Variants in ESRRB observed in about 807,000 individuals in gnomAD.
ESRRB encodes estrogen related receptor beta, also known as steroid hormone receptor ERR2.
ESRRB carries 16 observed loss-of-function variants against 46.0 expected under a neutral mutation model. That is an observed-to-expected ratio of 0.35 (90% CI 0.24 to 0.53). The LOEUF is 0.53. Among genes scored for constraint, ESRRB ranks in the 20% least tolerant of loss-of-function variants. The pLI, the probability that ESRRB is intolerant of heterozygous loss-of-function variation, is 0.93. For synonymous variants in ESRRB, 246 were observed against 259.6 expected, an observed-to-expected ratio of 0.95 and a Z score of 0.50; for missense variants, 488 against 607.4, an observed-to-expected ratio of 0.80 and a Z score of 2.07.
chr14:76,486,679 C>G (rs911855036), intron 5 of ESRRB, among the ~76,000 whole-genome samples: 1 of 152,054 alleles, frequency 6.6e-6, no homozygotes, highest in Non-Finnish European at 1.5e-5. Flanking sequence ...AACAATTTTC[C>G]TGGGGCAGCA....
chr14:76,362,815 G>A (rs112334401), intron 1 of ESRRB, among the ~76,000 whole-genome samples: 3,486 of 152,216 alleles, frequency 0.023, 127 homozygotes, highest in African/African-American at 0.078. Context: ...CCTTCTTCCC[G>A]CTTGCCTAGG....
chr14:76,490,207 G>A (rs1376076476), intron 5 of ESRRB, among the ~76,000 whole-genome samples: 1 of 152,198 alleles, frequency 6.6e-6, no homozygotes, highest in Non-Finnish European at 1.5e-5. Flanking sequence ...GCATGTCCGT[G>A]TTAGAACCAA....
Position 76,393,339 on chromosome 14 carries a change from T to C in ESRRB, c.50+16888T>C, listed in dbSNP as rs116485145. 8.4e-3 allele frequency among the ~76,000 whole-genome samples: 1,272 copies of C among 152,274 alleles called. 17 individuals are homozygous for C. Among genetic ancestry groups the C allele is most frequent in the African/African-American group, 0.029 (1,212 of 41,560 alleles). On this transcript the variant is annotated intron_variant, in intron 1 of 6. Transcript: ENST00000644823. ...CTACTTGCAGTCTTGCCCACCACCT[T>C]GCTCTCAACACTCCTCTCCATGCCC...
chr14:76,482,903 C>T lies in ESRRB; in HGVS notation c.850+144C>T, dbSNP rs915682028. 1.3e-5 allele frequency: 12 copies of T among 915,794 alleles called. No homozygotes were observed. The highest frequency in any genetic ancestry group is 1.1e-4 in the African/African-American group (7 of 61,776). The allele number at this position is 915,794 out of a possible 1,614,324, so 56.7% of individuals were successfully genotyped here. On this transcript the variant is annotated intron_variant, in intron 5 of 6. Transcript: ENST00000644823. This position sits in a 1 kb window ranked among gnomAD's most constrained non-coding sequence, Gnocchi z 4.3. ...CCTGGCAGGCCTGTTTCTCTGAGCTCCTCTTCTCTCCTTGTAGCATTGGAG... is the reference window on the plus strand; with the variant it reads ...CCTGGCAGGCCTGTTTCTCTGAGCTTCTCTTCTCTCCTTGTAGCATTGGAG...
At chr14:76,412,817 G>A (rs1016407360) in intron 1 of ESRRB, among the ~76,000 whole-genome samples, 1 of 152,166 alleles carries the variant, frequency 6.6e-6, no homozygotes, top group Non-Finnish European at 1.5e-5. Flanking sequence ...ATAAGGACAG[G>A]ATTGTGAAGC....
chr14:76,448,154 A>G (rs10131667), intron 2 of ESRRB, among the ~76,000 whole-genome samples: 39,330 of 151,878 alleles, frequency 0.26, 8,629 homozygotes, highest in African/African-American at 0.61. Context: ...TCCAGTTAGT[A>G]GGCATTTCCT....
At chr14:76,321,847 A>G (rs971432817) in intron 1 of ESRRB, among the ~76,000 whole-genome samples, 3 of 151,632 alleles carry the variant, frequency 2.0e-5, no homozygotes, top group African/African-American at 7.3e-5. Flanking sequence ...AGATTGTGCC[A>G]CTGCAATCCG....
At chr14:76,323,901 G>C (rs1437832945) in intron 1 of ESRRB, among the ~76,000 whole-genome samples, 1 of 152,212 alleles carries the variant, frequency 6.6e-6, no homozygotes, top group Non-Finnish European at 1.5e-5. Flanking sequence ...CGAGTCTGCT[G>C]CATAACTGGT....
Position 76,439,354 on chromosome 14 carries a change from A to G in ESRRB, c.64A>G (p.Met22Val). ...TTGTGTCCACAGGCTGCTGAACAGG[A>G]TGTCCTCGGACGACAGGCACCTGGG... ...LGYHNQLLNR[M>V]SSDDRHLGSS... Residue 22 changes from methionine (M) to valine (V), a missense_variant, in exon 2 of 7, where the codon ATG (methionine) becomes GTG (valine). Physicochemically the swap from Met to Val is conservative, Grantham distance 21. Transcript: ENST00000644823. The G allele has an allele frequency of 6.2e-7, 1 of 1,613,588 alleles. No homozygotes were observed. Among genetic ancestry groups the G allele is most frequent in the Non-Finnish European group, 8.5e-7 (1 of 1,180,016 alleles).
At chr14:76,405,246 C>G (rs1487680280) in intron 1 of ESRRB, among the ~76,000 whole-genome samples, 3 of 152,052 alleles carry the variant, frequency 2.0e-5, no homozygotes, top group Non-Finnish European at 4.4e-5. Context: ...GGACTACAGG[C>G]ACACACCACT....
intron 2 of ESRRB, among the ~76,000 whole-genome samples, chr14:76,459,609 G>T (rs973002742): frequency 3.3e-5 from 5 of 152,172 alleles, no homozygotes; most frequent in Admixed American, 3.3e-4. Context: ...TCTAAGCCAA[G>T]ATAAAAGCTT....
intron 1 of ESRRB, among the ~76,000 whole-genome samples, chr14:76,342,914 T>C (rs4903402): frequency 0.56 from 84,722 of 152,030 alleles, 23,775 homozygotes; most frequent in Admixed American, 0.69. Flanking sequence ...AGTAGAAAAA[T>C]GGGCAGGGAT....
intron 1 of ESRRB, among the ~76,000 whole-genome samples, chr14:76,332,727 ATTT>A (rs1483167744): frequency 0.051 from 1,201 of 23,432 alleles, 80 homozygotes; most frequent in African/African-American, 0.083. Context: ...TATTATATAT[ATTT>A]ATATATTATA....
Position 76,498,391 on chromosome 14 carries a change from G to A in ESRRB, c.1298G>A (p.Ser433Asn). 3 of 1,613,500 alleles carry A rather than the reference G, an allele frequency of 1.9e-6. No individual in the cohort carries two copies. The highest frequency in any genetic ancestry group is 2.5e-6 in the Non-Finnish European group (3 of 1,179,936). The change falls in exon 7 of 7, where the codon AGC becomes AAC. Residue 433 changes from serine (S) to asparagine (N), a missense_variant. Ser to Asn is a conservative substitution (Grantham distance 46). Coordinates refer to ENST00000644823, the MANE Select transcript of ESRRB (RefSeq NM_001379180.1). The stretch of plus-strand genomic sequence containing the variant: ...GCCAAGGCCGTGCAGCACTTCTATA[G>A]CGTCAAACTGCAGGGCAAAGTGCCC... ...TAAKAVQHFYSVKLQGKVPMH... is the reference protein window; with the variant it reads ...TAAKAVQHFYNVKLQGKVPMH...
intron 1 of ESRRB, among the ~76,000 whole-genome samples, chr14:76,433,668 A>G (rs1887548769): frequency 6.6e-6 from 1 of 152,154 alleles, no homozygotes. Flanking sequence ...TTCCTGAAAG[A>G]ATTGTCTGCA....
At chr14:76,331,157 A>T (rs918022019) in intron 1 of ESRRB, among the ~76,000 whole-genome samples, 6 of 152,104 alleles carry the variant, frequency 3.9e-5, no homozygotes, top group African/African-American at 1.4e-4. Flanking sequence ...AATCCCGGCC[A>T]TGTGACACTT....
chr14:76,481,439 T>C (rs2140029718), intron 3 of ESRRB, among the ~76,000 whole-genome samples: 1 of 152,348 alleles, frequency 6.6e-6, no homozygotes, highest in South Asian at 2.1e-4. Context: ...GCACTGATTT[T>C]CCAGTCCAGA....
chr14:76,368,672 A>G (rs1033505976), upstream of ESRRB, among the ~76,000 whole-genome samples: 2 of 152,124 alleles, frequency 1.3e-5, no homozygotes, highest in African/African-American at 4.8e-5. Context: ...AAACCCTCCC[A>G]AGTCAGGAAT....
Position 76,456,186 on chromosome 14 carries a change from C to T in ESRRB, c.461-6359C>T, listed in dbSNP as rs373735769. On this transcript the variant is annotated intron_variant, in intron 2 of 6. Coordinates refer to ENST00000644823, the MANE Select transcript of ESRRB (RefSeq NM_001379180.1). ...TTGAGTCTTCAATGCCTGACACTTT[C>T]TGAGGTTCTGCAGTGTGGCTAGCTT... 1.6e-4 allele frequency among the ~76,000 whole-genome samples: 24 copies of T among 152,314 alleles called. No individual in the cohort carries two copies. In the South Asian group the frequency reaches 4.8e-3, roughly 30 times the overall value.
Sources: gnomAD v4.1 joint callset for allele counts (sites outside exome capture counted in the v4.1 genomes callset) on GRCh38, gnomAD v4.1.1 for gene constraint, Gnocchi (gnomAD v3.1) non-coding constraint, MANE v1.5 for transcripts, NCBI Gene and HGNC (gene_info 2026-07-23, HGNC 2026-07-21) for gene names.